BUB1: variants seen among roughly 807,000 people sequenced by gnomAD.
BUB1 encodes BUB1 mitotic checkpoint serine/threonine kinase, also known as mitotic checkpoint serine/threonine-protein kinase BUB1.
BUB1 carries 84 observed loss-of-function variants against 135.2 expected under a neutral mutation model. That is an observed-to-expected ratio of 0.62 (90% CI 0.52 to 0.74). BUB1 has a LOEUF of 0.74. BUB1 is among the 30% of genes least tolerant of loss of function. The probability of loss-of-function intolerance (pLI) is 0.00; values close to 1 mark genes in which losing one functional copy is unlikely to be tolerated. For synonymous variants in BUB1, 403 were observed against 434.4 expected, an observed-to-expected ratio of 0.93 and a Z score of 0.90; for missense variants, 1,162 against 1,288.3, an observed-to-expected ratio of 0.90 and a Z score of 1.50.
At chr2:110,670,877 G>A (rs1690400963) in intron 4 of BUB1, among the ~76,000 whole-genome samples, 1 of 152,144 alleles carries the variant, frequency 6.6e-6, no homozygotes. Flanking sequence ...TTCTAACACA[G>A]GATGTTTGAC....
chr2:110,643,036 T>C (rs186112927), intron 19 of BUB1, among the ~76,000 whole-genome samples: 2 of 152,170 alleles, frequency 1.3e-5, no homozygotes, highest in Admixed American at 6.5e-5. Context: ...AGAATTCACA[T>C]GTTCAAAATC....
chr2:110,650,582 T>C lies in BUB1; in HGVS notation c.2167A>G (p.Met723Val), dbSNP rs1559166684. 3.7e-6 allele frequency: 6 copies of C among 1,613,716 alleles called. No individual in the cohort carries two copies. The highest frequency in any genetic ancestry group is 5.1e-6 in the Non-Finnish European group (6 of 1,179,932). Residue 723 changes from methionine to valine, a missense_variant, in exon 18 of 25, where the codon ATG becomes GTG. Met to Val is a conservative substitution (Grantham distance 21, BLOSUM62 1). Transcript: ENST00000302759. Reference sequence around the variant, plus strand: ...ACAGTCCCAAGTGAACTCATCTGCATCCATTCTGCTTGGAGCCCAGCAATA... The same window carrying C: ...ACAGTCCCAAGTGAACTCATCTGCACCCATTCTGCTTGGAGCCCAGCAATA... Reference protein sequence around the residue: ...DAIAGLQAEWMQMSSLGTVDA... With the variant: ...DAIAGLQAEWVQMSSLGTVDA...
chr2:110,642,244 T>A lies in BUB1; in HGVS notation c.2348-10A>T. On this transcript the variant is annotated splice_polypyrimidine_tract_variant and intron_variant, in intron 19 of 24. Coordinates refer to ENST00000302759, the MANE Select transcript of BUB1 (RefSeq NM_004336.5). Reference sequence around the variant, plus strand: ...TAGACCAGCTTAGAACCTTAGAAGATAATTGAAAATTTTAATTTATGTACG... The same window carrying A: ...TAGACCAGCTTAGAACCTTAGAAGAAAATTGAAAATTTTAATTTATGTACG... 1 of 1,550,612 alleles carries A rather than the reference T, an allele frequency of 6.4e-7. No homozygotes were observed. The highest frequency in any genetic ancestry group is 8.7e-7 in the Non-Finnish European group (1 of 1,145,214).
chr2:110,638,415 A>C (rs1394316155), intron 24 of BUB1, among the ~76,000 whole-genome samples: 1 of 152,146 alleles, frequency 6.6e-6, no homozygotes, highest in Non-Finnish European at 1.5e-5. Flanking sequence ...AAGTCAAAAA[A>C]TTTTCTCTCT....
intron 19 of BUB1, among the ~76,000 whole-genome samples, chr2:110,647,381 C>T (rs1393591335): frequency 6.6e-6 from 1 of 152,062 alleles, no homozygotes; most frequent in Non-Finnish European, 1.5e-5. Flanking sequence ...AAGAATTATA[C>T]ACTATAACAA....
intron 5 of BUB1, among the ~76,000 whole-genome samples, chr2:110,670,310 T>TGTATTTTA (rs1690386964): frequency 6.6e-6 from 1 of 151,908 alleles, no homozygotes; most frequent in Non-Finnish European, 1.5e-5. Context: ...GGCTAATTTT[T>TGTATTTTA]GTATTTTAGT....
At chr2:110,674,564 C>G (rs1474457338) in intron 1 of BUB1, among the ~76,000 whole-genome samples, 199 bp from the exon 2 acceptor site, 1 of 152,152 alleles carries the variant, frequency 6.6e-6, no homozygotes, top group Admixed American at 6.5e-5. Context: ...TTTTAAGAAG[C>G]ATTCGCTCAG....
rs150687454 is a variant in BUB1, at chr2:110,648,121, C to G, written c.2347+1113G>C. Among the ~76,000 whole-genome samples, 11 of 151,772 alleles carry G rather than the reference C, an allele frequency of 7.2e-5. No homozygotes were observed. Among genetic ancestry groups the G allele is most frequent in the Non-Finnish European group, 1.5e-4 (10 of 67,950 alleles). On this transcript the variant is annotated intron_variant, in intron 19 of 24. Transcript: ENST00000302759. The surrounding 1 kb of genome is among the most constrained non-coding windows in gnomAD (Gnocchi z 4.2). ...TTACAGCAACTTTATTCATAATTGCCAAAACTTGGAAGTAACCAAGATCTC... is the reference window on the plus strand; with the variant it reads ...TTACAGCAACTTTATTCATAATTGCGAAAACTTGGAAGTAACCAAGATCTC...
chr2:110,640,123 C>T (rs1027868079), intron 23 of BUB1, among the ~76,000 whole-genome samples: 3 of 152,210 alleles, frequency 2.0e-5, no homozygotes, highest in Admixed American at 1.3e-4. Flanking sequence ...ACACAACACT[C>T]TAAGCCCTCT....
intron 9 of BUB1, among the ~76,000 whole-genome samples, chr2:110,662,734 G>A (rs1383744445): frequency 6.6e-6 from 1 of 152,162 alleles, no homozygotes; most frequent in Non-Finnish European, 1.5e-5. Flanking sequence ...CCTGGGAGGA[G>A]GAGGCTGCAG....
At position 110,637,859 on chromosome 2, in the gene BUB1, T is replaced by C. The variant is rs1689403990; in HGVS notation, c.*105A>G. On this transcript the variant is annotated 3_prime_UTR_variant, in exon 25 of 25. Coordinates refer to ENST00000302759, the MANE Select transcript of BUB1 (RefSeq NM_004336.5). ...ACATGGAAATATTCCATGGGATTTA[T>C]TTTTAACAAACATTTACATAAACAA... is the stretch of plus-strand genomic sequence containing the variant. 9 of 854,110 alleles carry C rather than the reference T, an allele frequency of 1.1e-5. No individual in the cohort carries two copies. Among genetic ancestry groups the C allele is most frequent in the Non-Finnish European group, 3.3e-6 (2 of 608,492 alleles). The allele number at this position is 854,110 out of a possible 1,614,324, so 52.9% of individuals were successfully genotyped here.
chr2:110,645,737 A>T (rs986558160), intron 19 of BUB1, among the ~76,000 whole-genome samples: 1 of 151,914 alleles, frequency 6.6e-6, no homozygotes, highest in Non-Finnish European at 1.5e-5. Flanking sequence ...TAATTTTTTT[A>T]AAAAAATATT....
intron 7 of BUB1, 41 bp from the exon 8 acceptor site, chr2:110,667,746 A>C: frequency 6.2e-7 from 1 of 1,609,784 alleles, no homozygotes; most frequent in Non-Finnish European, 8.5e-7. Flanking sequence ...CAATGTACCT[A>C]AGAGCACTTA....
chr2:110,667,370 A>G, intron 8 of BUB1, 151 bp downstream of exon 8: 1 of 871,644 alleles, frequency 1.1e-6, no homozygotes, highest in Non-Finnish European at 1.7e-6. Flanking sequence ...AAAATGGGTT[A>G]ATAATGATTT....
intron 19 of BUB1, among the ~76,000 whole-genome samples, chr2:110,644,749 A>C (rs1289023737): frequency 6.6e-6 from 1 of 152,212 alleles, no homozygotes; most frequent in African/African-American, 2.4e-5. Context: ...AAGAGAGTGG[A>C]GTGAAATATC....
rs1689696539 is a variant in BUB1, at chr2:110,648,342, A to C, written c.2347+892T>G. On this transcript the variant is annotated intron_variant, in intron 19 of 24. Transcript: ENST00000302759. The surrounding 1 kb of genome is among the most constrained non-coding windows in gnomAD (Gnocchi z 4.2). ...AACTATATGACATTATGGAAAAGGCAAAACTACACAGACAGCAAAACAATC... is the reference window on the plus strand; with the variant it reads ...AACTATATGACATTATGGAAAAGGCCAAACTACACAGACAGCAAAACAATC... Among the ~76,000 whole-genome samples the C allele has an allele frequency of 2.0e-5, 3 of 152,216 alleles. No homozygotes were observed. Among genetic ancestry groups the C allele is most frequent in the Non-Finnish European group, 4.4e-5 (3 of 68,030 alleles).
intron 24 of BUB1, among the ~76,000 whole-genome samples, chr2:110,638,659 A>G (rs1689422332): frequency 6.6e-6 from 1 of 152,242 alleles, no homozygotes; most frequent in East Asian, 1.9e-4. Context: ...TGTTGGAGAG[A>G]AAGTAGAATG....
intron 11 of BUB1, among the ~76,000 whole-genome samples, chr2:110,659,272 G>A (rs181916777): frequency 2.0e-4 from 31 of 152,252 alleles, no homozygotes; most frequent in Admixed American, 9.8e-4. Flanking sequence ...CCCTCTGTCT[G>A]AAAAGTTGCC....
intron 11 of BUB1, 130 bp from the exon 12 acceptor site, chr2:110,658,872 TA>T: frequency 8.8e-7 from 1 of 1,132,348 alleles, no homozygotes; most frequent in Non-Finnish European, 1.2e-6. Context: ...GAATTTCCAG[TA>T]TTATAGTGCT....
Sources: gnomAD v4.1 joint callset for allele counts (sites outside exome capture counted in the v4.1 genomes callset) on GRCh38, gnomAD v4.1.1 for gene constraint, Gnocchi (gnomAD v3.1) non-coding constraint, MANE v1.5 for transcripts, NCBI Gene and HGNC (gene_info 2026-07-23, HGNC 2026-07-21) for gene names.